Variants in EIPR1 observed in about 807,000 individuals in gnomAD.
The protein encoded by EIPR1 is EARP complex and GARP complex interacting protein 1.
In EIPR1, 25 loss-of-function variants were observed where a neutral mutation model predicts 48.1. That is an observed-to-expected ratio of 0.52 (90% CI 0.38 to 0.73). EIPR1 has a LOEUF of 0.73. Ranked by LOEUF, EIPR1 falls within the 30% of genes least tolerant of loss-of-function variation. The pLI is 0.00. For synonymous variants in EIPR1, 204 were observed against 201.9 expected (o/e 1.01, Z -0.09); for missense variants, 415 against 506.2 (o/e 0.82, Z 1.73).
chr2:3,204,554 C>T (rs1429365438), intron 5 of EIPR1, among the ~76,000 whole-genome samples: 4 of 152,174 alleles, frequency 2.6e-5, no homozygotes, highest in African/African-American at 9.7e-5. Flanking sequence ...ATATTCAGTG[C>T]TTCCTGGTCC....
At chr2:3,318,684 C>T (rs775515093) in intron 3 of EIPR1, among the ~76,000 whole-genome samples, 3 of 152,172 alleles carry the variant, frequency 2.0e-5, no homozygotes, top group Admixed American at 6.5e-5. Context: ...TATCCAGAAC[C>T]AGGACTCTCA....
chr2:3,369,214 T>A (rs62119534), intron 1 of EIPR1, among the ~76,000 whole-genome samples: 24,540 of 152,112 alleles, frequency 0.16, 2,193 homozygotes, highest in Non-Finnish European at 0.2. Context: ...ATCAATTTCA[T>A]TCATTTTTCA....
intron 3 of EIPR1, among the ~76,000 whole-genome samples, chr2:3,303,780 T>A (rs1041753602): frequency 6.6e-6 from 1 of 152,096 alleles, no homozygotes; most frequent in Non-Finnish European, 1.5e-5. Context: ...CCGGGAAGCT[T>A]CGCCCTCTGC....
intron 4 of EIPR1, among the ~76,000 whole-genome samples, chr2:3,234,113 C>T (rs569098628): frequency 3.9e-5 from 6 of 151,954 alleles, no homozygotes; most frequent in African/African-American, 9.7e-5. Context: ...AGAGTGAGGG[C>T]GTGGTGTGGA....
In EIPR1 at chr2:3,208,371, T is replaced by C. The variant is rs2103125347; in HGVS notation, c.516+5778A>G. On this transcript the variant is annotated intron_variant, in intron 5 of 8. Coordinates refer to ENST00000382125, the MANE Select transcript of EIPR1 (RefSeq NM_003310.5). Reference sequence around the variant, plus strand: ...TCTGTGCCCGGGTGGGACTCATTTATAGGGCATCAGACCTGACCCACAGCC... The same window carrying C: ...TCTGTGCCCGGGTGGGACTCATTTACAGGGCATCAGACCTGACCCACAGCC... The C allele has an allele frequency of 8.6e-6, 11 of 1,272,606 alleles. No homozygotes were observed. In the East Asian group the frequency reaches 1.3e-4, roughly 15 times the overall value. The allele number at this position is 1,272,606 out of a possible 1,614,324, so 78.8% of individuals were successfully genotyped here.
At chr2:3,365,499 T>C (rs992056486) in intron 1 of EIPR1, among the ~76,000 whole-genome samples, 11 of 151,380 alleles carry the variant, frequency 7.3e-5, no homozygotes, top group Non-Finnish European at 1.0e-4. Flanking sequence ...TTTTTTAATT[T>C]ATTTTTATTG....
At chr2:3,303,703 GAC>G (rs1668826310) in intron 3 of EIPR1, among the ~76,000 whole-genome samples, 1 of 152,222 alleles carries the variant, frequency 6.6e-6, no homozygotes, top group Non-Finnish European at 1.5e-5. Flanking sequence ...CCGGCAACCT[GAC>G]TTCTGAGTGT....
At chr2:3,300,317 G>A (rs1668728047) in intron 3 of EIPR1, among the ~76,000 whole-genome samples, 1 of 152,204 alleles carries the variant, frequency 6.6e-6, no homozygotes, top group African/African-American at 2.4e-5. Context: ...CCTAGACAGT[G>A]ATTACATATG....
intron 4 of EIPR1, among the ~76,000 whole-genome samples, chr2:3,249,112 G>A (rs149212186): frequency 8.5e-5 from 13 of 152,256 alleles, no homozygotes; most frequent in East Asian, 1.9e-4. Context: ...GGTAACGAGC[G>A]GAGGTTGAAG....
chr2:3,274,280 C>T, intron 3 of EIPR1: 1 of 1,520,960 alleles, frequency 6.6e-7, no homozygotes, highest in Non-Finnish European at 8.8e-7. Context: ...AAAATATATC[C>T]ACTCCTGGAC....
chr2:3,263,840 C>T (rs1667408335), intron 3 of EIPR1, among the ~76,000 whole-genome samples: 1 of 95,234 alleles, frequency 1.1e-5, no homozygotes, highest in Non-Finnish European at 2.1e-5. Context: ...TGCTGCAGCA[C>T]CATTAACTTT....
intron 2 of EIPR1, among the ~76,000 whole-genome samples, chr2:3,340,591 T>C (rs1024342163): frequency 5.3e-5 from 8 of 152,264 alleles, no homozygotes; most frequent in African/African-American, 1.9e-4. Flanking sequence ...TGTGGACCTG[T>C]TACACATTTT....
At chr2:3,377,475 C>T in intron 1 of EIPR1, 173 bp downstream of exon 1, 1 of 771,976 alleles carries the variant, frequency 1.3e-6, no homozygotes, top group Non-Finnish European at 2.0e-6. Flanking sequence ...TTATCCAGTA[C>T]AACCGTTTAA....
At chr2:3,351,823 T>C (rs913709539) in intron 2 of EIPR1, among the ~76,000 whole-genome samples, 1 of 152,226 alleles carries the variant, frequency 6.6e-6, no homozygotes, top group Non-Finnish European at 1.5e-5. Flanking sequence ...CAGGTTTCAG[T>C]TACCTGTGGT....
intron 3 of EIPR1, among the ~76,000 whole-genome samples, chr2:3,270,272 G>C (rs1337717928): frequency 6.6e-6 from 1 of 152,226 alleles, no homozygotes; most frequent in African/African-American, 2.4e-5. Flanking sequence ...CAGTTCCAAA[G>C]AGTCTCTCAG....
At chr2:3,342,082 C>T (rs1389089877) in intron 2 of EIPR1, among the ~76,000 whole-genome samples, 2 of 152,082 alleles carry the variant, frequency 1.3e-5, no homozygotes, top group Non-Finnish European at 2.9e-5. Context: ...TAAATAAGAA[C>T]TACATAAATG....
chr2:3,335,624 A>G (rs981613902), intron 3 of EIPR1, among the ~76,000 whole-genome samples: 2 of 152,184 alleles, frequency 1.3e-5, no homozygotes, highest in Non-Finnish European at 2.9e-5. Context: ...TCCCCACCCA[A>G]ATCTCATCTC....
intron 3 of EIPR1, chr2:3,320,369 C>A: frequency 6.1e-6 from 1 of 162,760 alleles, no homozygotes; most frequent in South Asian, 1.4e-4. Context: ...CACCTGCGGG[C>A]AGGAAAACAC....
At chr2:3,213,003 A>G (rs905119310) in intron 5 of EIPR1, among the ~76,000 whole-genome samples, 6 of 152,190 alleles carry the variant, frequency 3.9e-5, no homozygotes, top group Admixed American at 1.3e-4. Context: ...ATTAATAATG[A>G]TGCATCATTA....
Sources: gnomAD v4.1 joint callset for allele counts (sites outside exome capture counted in the v4.1 genomes callset) on GRCh38, gnomAD v4.1.1 for gene constraint, MANE v1.5 for transcripts, NCBI Gene and HGNC (gene_info 2026-07-23, HGNC 2026-07-21) for gene names.